PLEKHG4B: variants seen among roughly 807,000 people sequenced by gnomAD.
PLEKHG4B encodes the protein pleckstrin homology domain-containing family G member 4B.
In PLEKHG4B, 111 loss-of-function variants were observed where a neutral mutation model predicts 121.3. The observed-to-expected ratio is 0.92, with a 90% CI of 0.78 to 1.07. The LOEUF (loss-of-function observed/expected upper bound fraction) is 1.07. Ranked by LOEUF, PLEKHG4B falls within the 50% of genes least tolerant of loss-of-function variation. PLEKHG4B has a pLI of 0.00. For synonymous variants in PLEKHG4B, 738 were observed against 725.0 expected, an observed-to-expected ratio of 1.02 and a Z score of -0.29; for missense variants, 1,831 against 1,757.8, an observed-to-expected ratio of 1.04 and a Z score of -0.74.
At chr5:163,798 G>A (rs917344731) in intron 13 of PLEKHG4B, among the ~76,000 whole-genome samples, 14 of 152,202 alleles carry the variant, frequency 9.2e-5, no homozygotes, top group East Asian at 5.8e-4. Flanking sequence ...TCACTCTGAC[G>A]GTTAAGTAAC....
rs539134118 is a variant in PLEKHG4B at position 174,506 on chromosome 5, C to T, written c.4402+408C>T. Among the ~76,000 whole-genome samples the T allele has an allele frequency of 2.3e-3, 357 of 152,084 alleles. 1 individual carries two copies. The highest frequency in any genetic ancestry group is 3.3e-3 in the Non-Finnish European group (227 of 67,974). On this transcript the variant is annotated intron_variant, in intron 18 of 19. Transcript: ENST00000637938. ...ATCAACCTTAATGCTGAGATTCAGG[C>T]GGTATGATTAAATATTGAGTTCACT...
At chr5:102,347 AT>A (rs977956956) in intron 1 of PLEKHG4B, among the ~76,000 whole-genome samples, 1 of 152,164 alleles carries the variant, frequency 6.6e-6, no homozygotes, top group Non-Finnish European at 1.5e-5. Flanking sequence ...TATTTTGTAA[AT>A]GGAAGTACTG....
chr5:94,908 G>A (rs909538636), intron 1 of PLEKHG4B, among the ~76,000 whole-genome samples: 1 of 152,104 alleles, frequency 6.6e-6, no homozygotes, highest in South Asian at 2.1e-4. Context: ...ACCTCTCCGA[G>A]TACCCTAGAG....
At chr5:102,170 G>A (rs1217912800) in intron 1 of PLEKHG4B, among the ~76,000 whole-genome samples, 1 of 152,174 alleles carries the variant, frequency 6.6e-6, no homozygotes, top group African/African-American at 2.4e-5. Flanking sequence ...CTGCTGTGAG[G>A]TTAATCCATA....
At position 172,916 on chromosome 5, in the gene PLEKHG4B, G is replaced by A. The variant is rs1579325989; in HGVS notation, c.4070G>A (p.Gly1357Glu). The A allele has an allele frequency of 6.2e-7, 1 of 1,614,170 alleles. No homozygotes were observed. Among genetic ancestry groups the A allele is most frequent in the East Asian group, 2.2e-5 (1 of 44,890 alleles). The change falls in exon 17 of 20, where the codon GGG (glycine) becomes GAG (glutamate). Residue 1357 changes from glycine to glutamate, a missense_variant. Gly to Glu is a moderately conservative substitution (Grantham distance 98). Transcript: ENST00000637938. ...RGCDVNLKEQ[G>E]QLRCRDEFIV... ...CTGCAGGTGAATTTGAAGGAACAGG[G>A]GCAGCTGAGATGCCGGGATGAGTTT...
chr5:172,351 G>A (rs1436089051), intron 16 of PLEKHG4B, among the ~76,000 whole-genome samples: 1 of 152,202 alleles, frequency 6.6e-6, no homozygotes. Context: ...TGGTGGGCAC[G>A]GCGGCTCCAT....
chr5:102,730 T>G (rs1025290105), intron 1 of PLEKHG4B, among the ~76,000 whole-genome samples: 3 of 152,160 alleles, frequency 2.0e-5, no homozygotes, highest in African/African-American at 7.2e-5. Context: ...CTCGAGTATC[T>G]CTTTATAGCA....
intron 1 of PLEKHG4B, among the ~76,000 whole-genome samples, chr5:105,198 C>CCCG (rs1733940741): frequency 1.4e-5 from 2 of 147,634 alleles, no homozygotes; most frequent in African/African-American, 2.6e-5. Context: ...GTTCTGGGTT[C>CCCG]TCATGCTCCT....
At chr5:106,704 CGTA>C (rs1733983547) in intron 1 of PLEKHG4B, among the ~76,000 whole-genome samples, 1 of 152,138 alleles carries the variant, frequency 6.6e-6, no homozygotes, top group African/African-American at 2.4e-5. Context: ...TGAGAGCAGA[CGTA>C]GGTGTTGACG....
At position 159,540 on chromosome 5, in the gene PLEKHG4B, C is replaced by T. The variant is rs1735922749; in HGVS notation, c.2488-2243C>T. Among the ~76,000 whole-genome samples the T allele has an allele frequency of 6.6e-6, 1 of 152,112 alleles. No individual in the cohort carries two copies. The highest frequency in any genetic ancestry group is 2.1e-4 in the South Asian group (1 of 4,826). On this transcript the variant is annotated intron_variant, in intron 11 of 19. Transcript: ENST00000637938. The surrounding 1 kb of genome is among the most constrained non-coding windows in gnomAD (Gnocchi z 5.5). The stretch of plus-strand genomic sequence containing the variant: ...ATTGAGTTTTTTGTTTCTGCTCTTG[C>T]TTTTTAACTCCATGGGCTTATTTTC...
In PLEKHG4B at chr5:171,804, C is replaced by T. The variant is rs1237299999; in HGVS notation, c.4050+360C>T. On this transcript the variant is annotated intron_variant, in intron 16 of 19. Coordinates refer to ENST00000637938, the MANE Select transcript of PLEKHG4B (RefSeq NM_052909.5). ...AAACAGGTGGACGTGAGCGCTGCAC[C>T]CCAGCCCTCTGTGAGAAGGCACTAG... Among the ~76,000 whole-genome samples, 4 of 152,226 alleles carry T rather than the reference C, an allele frequency of 2.6e-5. No homozygotes were observed. In the South Asian group the frequency reaches 8.3e-4, roughly 32 times the overall value.
At chr5:164,856 G>A (rs550747779) in intron 13 of PLEKHG4B, among the ~76,000 whole-genome samples, 86 of 127,910 alleles carry the variant, frequency 6.7e-4, no homozygotes, top group African/African-American at 2.5e-3. Flanking sequence ...TGTGACAGGG[G>A]GCGGGGCTCA....
At position 171,123 on chromosome 5, in the gene PLEKHG4B, C is replaced by T. The variant is rs766203007; in HGVS notation, c.3810C>T (p.Ala1270=). 1.9e-6 allele frequency: 3 copies of T among 1,613,356 alleles called. No homozygotes were observed. The highest frequency in any genetic ancestry group is 1.7e-5 in the Admixed American group (1 of 59,988). ...CCCTGCTCAGCAGCCATGGCAACGC[C>T]TTCTTCAAGGTCATCCCCCTCGGCC... The part of the protein sequence containing the change: ...SDALLSSHGN[A]FFKDKQRELG... Residue 1270 remains alanine (A), a synonymous_variant, in exon 15 of 20, where the codon GCC becomes GCT. Transcript: ENST00000637938.
chr5:160,702 A>G (rs1267826858), intron 11 of PLEKHG4B, among the ~76,000 whole-genome samples: 1 of 152,160 alleles, frequency 6.6e-6, no homozygotes, highest in Non-Finnish European at 1.5e-5. Flanking sequence ...CTTAAGTTAT[A>G]GAATTATTAG....
chr5:156,263 G>T lies in PLEKHG4B; in HGVS notation c.2348+53G>T. ...CCCTGGCCCATCGAGGGAGCTGCTC[G>T]GGGGAGTTTGCACCAGGAGGCGTAG... is the stretch of plus-strand genomic sequence containing the variant. On this transcript the variant is annotated intron_variant, in intron 10 of 19. Transcript: ENST00000637938. The surrounding 1 kb of genome is among the most constrained non-coding windows in gnomAD (Gnocchi z 4.4). 2 of 1,371,620 alleles carry T rather than the reference G, an allele frequency of 1.5e-6. No individual in the cohort carries two copies. Among genetic ancestry groups the T allele is most frequent in the Admixed American group, 2.8e-5 (1 of 35,426 alleles). 85.0% of individuals were successfully genotyped at this position (1,371,620 alleles called of 1,614,324 possible).
intron 1 of PLEKHG4B, among the ~76,000 whole-genome samples, chr5:107,430 C>T (rs751931002): frequency 2.7e-4 from 41 of 152,232 alleles, no homozygotes; most frequent in Non-Finnish European, 5.0e-4. Context: ...CAAGCCTGGA[C>T]AGCCCTGGCC....
At chr5:120,940 G>A (rs980561122) in intron 2 of PLEKHG4B, among the ~76,000 whole-genome samples, 3 of 152,182 alleles carry the variant, frequency 2.0e-5, no homozygotes, top group East Asian at 1.9e-4. Flanking sequence ...TTCAGATTTC[G>A]AAAGTATTTT....
intron 2 of PLEKHG4B, among the ~76,000 whole-genome samples, chr5:121,441 C>T (rs1734465990): frequency 6.6e-6 from 1 of 152,056 alleles, no homozygotes; most frequent in Non-Finnish European, 1.5e-5. Flanking sequence ...TGAACAAAAC[C>T]TCAGTAACTG....
rs984733434 is a variant in PLEKHG4B at position 113,502 on chromosome 5, C to T, written c.243+54C>T. ...CGTGGCCAACCTGGAGGAACCTGCC[C>T]TTTCCCTGGGCAGGGCAGGAATTGG... On this transcript the variant is annotated intron_variant, in intron 2 of 19. Transcript: ENST00000637938. The surrounding 1 kb of genome is among the most constrained non-coding windows in gnomAD (Gnocchi z 5.2). The T allele has an allele frequency of 7.5e-6, 3 of 398,846 alleles. No individual in the cohort carries two copies. Among genetic ancestry groups the T allele is most frequent in the African/African-American group, 6.2e-5 (3 of 48,648 alleles). The allele number at this position is 398,846 out of a possible 1,614,324, so 24.7% of individuals were successfully genotyped here.
Sources: allele counts gnomAD v4.1 joint callset (sites outside exome capture counted in the v4.1 genomes callset), GRCh38; gene constraint gnomAD v4.1.1; non-coding constraint Gnocchi (gnomAD v3.1); transcripts MANE v1.5; gene names NCBI Gene and HGNC (gene_info 2026-07-23, HGNC 2026-07-21).